Variants in CDYL2 observed in about 807,000 individuals in gnomAD.
CDYL2 encodes chromodomain Y-like protein 2.
CDYL2 carries 23 observed loss-of-function variants against 49.4 expected under a neutral mutation model. That is an observed-to-expected ratio of 0.47 (90% CI 0.34 to 0.66). CDYL2 has a LOEUF of 0.66. Ranked by LOEUF, CDYL2 falls within the 30% of genes least tolerant of loss-of-function variation. The pLI, the probability that CDYL2 is intolerant of heterozygous loss-of-function variation, is 0.01. For synonymous variants in CDYL2, 360 were observed against 268.8 expected, an observed-to-expected ratio of 1.34 and a Z score of -3.32; for missense variants, 678 against 656.4, an observed-to-expected ratio of 1.03 and a Z score of -0.36.
chr16:80,731,796 T>C (rs1905334570), intron 1 of CDYL2, among the ~76,000 whole-genome samples: 1 of 151,928 alleles, frequency 6.6e-6, no homozygotes, highest in African/African-American at 2.4e-5. Context: ...TCTCTAAAGG[T>C]TAACTTTCCA....
chr16:80,686,195 T>C (rs1222829533), intron 1 of CDYL2, among the ~76,000 whole-genome samples: 3 of 152,230 alleles, frequency 2.0e-5, no homozygotes, highest in Admixed American at 2.0e-4. Flanking sequence ...AAAACCTCCC[T>C]TGTCTTTATG....
Position 80,731,794 on chromosome 16 carries a change from G to C in CDYL2, c.25-46665C>G, listed in dbSNP as rs73595136. On this transcript the variant is annotated intron_variant, in intron 1 of 6. Coordinates refer to ENST00000570137, the MANE Select transcript of CDYL2 (RefSeq NM_152342.4). Reference sequence around the variant, plus strand: ...TTTTCAGAAATGCGAAATCTCTAAAGGTTAACTTTCCATCTAACTCTCTGA... The same window carrying C: ...TTTTCAGAAATGCGAAATCTCTAAACGTTAACTTTCCATCTAACTCTCTGA... Among the ~76,000 whole-genome samples the C allele has an allele frequency of 6.0e-3, 910 of 152,104 alleles. 8 individuals are homozygous for C. Among genetic ancestry groups the C allele is most frequent in the African/African-American group, 0.02 (824 of 41,480 alleles).
At chr16:80,712,068 T>C (rs1904621749) in intron 1 of CDYL2, among the ~76,000 whole-genome samples, 1 of 150,276 alleles carries the variant, frequency 6.7e-6, no homozygotes, top group Non-Finnish European at 1.5e-5. Flanking sequence ...TGTGTATAGA[T>C]GTGTGTATAT....
At chr16:80,784,135 C>A (rs1907358393) in intron 1 of CDYL2, among the ~76,000 whole-genome samples, 2 of 152,128 alleles carry the variant, frequency 1.3e-5, no homozygotes, top group African/African-American at 4.8e-5. Context: ...CATTAATACA[C>A]CTATCCTGCT....
chr16:80,659,148 A>G (rs1333927816), intron 2 of CDYL2, among the ~76,000 whole-genome samples: 1 of 152,194 alleles, frequency 6.6e-6, no homozygotes, highest in African/African-American at 2.4e-5. Flanking sequence ...ATAAGAAGGA[A>G]GAGCATCATA....
At chr16:80,659,538 T>C (rs533173119) in intron 2 of CDYL2, among the ~76,000 whole-genome samples, 1 of 151,998 alleles carries the variant, frequency 6.6e-6, no homozygotes, top group Non-Finnish European at 1.5e-5. Flanking sequence ...GGAGGCATAA[T>C]GTATAGTCTA....
Position 80,769,792 on chromosome 16 carries a change from G to T in CDYL2, c.24+34358C>A, listed in dbSNP as rs146460557. Reference sequence around the variant, plus strand: ...AGGTATTTGCATAGGTGAAATTAAAGAGATTAAACTGAAAAAGAATCAGAT... The same window carrying T: ...AGGTATTTGCATAGGTGAAATTAAATAGATTAAACTGAAAAAGAATCAGAT... On this transcript the variant is annotated intron_variant, in intron 1 of 6. Coordinates refer to ENST00000570137, the MANE Select transcript of CDYL2 (RefSeq NM_152342.4). Among the ~76,000 whole-genome samples the T allele has an allele frequency of 1.4e-3, 211 of 152,220 alleles. 1 individual carries two copies. The highest frequency in any genetic ancestry group is 5.0e-3 in the African/African-American group (206 of 41,526).
chr16:80,608,333 G>C (rs74661853), intron 5 of CDYL2, 98 bp from the exon 6 acceptor site: 1 of 1,329,512 alleles, frequency 7.5e-7, no homozygotes, highest in East Asian at 2.7e-5. Context: ...CCCAGTTCTG[G>C]AAGGCATCTT....
chr16:80,658,360 A>T (rs903961086), intron 2 of CDYL2, among the ~76,000 whole-genome samples: 3 of 152,350 alleles, frequency 2.0e-5, no homozygotes, highest in South Asian at 2.1e-4. Context: ...AAGGAATAAC[A>T]TAACCACATC....
chr16:80,720,747 A>C (rs1258338410), intron 1 of CDYL2, among the ~76,000 whole-genome samples: 2 of 152,118 alleles, frequency 1.3e-5, no homozygotes, highest in Non-Finnish European at 2.9e-5. Context: ...TATTACTTTC[A>C]TTCAGCAGCA....
At chr16:80,772,478 A>G (rs1906939198) in intron 1 of CDYL2, among the ~76,000 whole-genome samples, 2 of 152,186 alleles carry the variant, frequency 1.3e-5, no homozygotes, top group Non-Finnish European at 2.9e-5. Context: ...TGGGAGACGG[A>G]GTCTCCCTCT....
rs547858781 is a variant in CDYL2, at chr16:80,659,865, G to A, written c.616+24673C>T. The stretch of plus-strand genomic sequence containing the variant: ...CTCAAAAAGAAAAAGTTCTCAGTTT[G>A]AAAGAGCACTCTAAGTACCAAGCAG... On this transcript the variant is annotated intron_variant, in intron 2 of 6. Transcript: ENST00000570137. Among the ~76,000 whole-genome samples the A allele has an allele frequency of 2.3e-4, 35 of 152,074 alleles. 1 individual carries two copies. In the South Asian group the frequency reaches 7.3e-3, roughly 32 times the overall value.
intron 2 of CDYL2, among the ~76,000 whole-genome samples, chr16:80,639,436 T>C (rs1022420051): frequency 2.6e-5 from 4 of 152,114 alleles, no homozygotes; most frequent in Non-Finnish European, 5.9e-5. Context: ...GCACCAAAAA[T>C]TGGAAGCAAC....
chr16:80,649,167 G>C (rs1287556895), intron 2 of CDYL2, among the ~76,000 whole-genome samples: 1 of 151,988 alleles, frequency 6.6e-6, no homozygotes, highest in African/African-American at 2.4e-5. Context: ...AAGAAATAAA[G>C]GGCTTCCAAA....
chr16:80,687,418 A>G (rs1910241167), intron 1 of CDYL2, among the ~76,000 whole-genome samples: 2 of 152,018 alleles, frequency 1.3e-5, no homozygotes, highest in African/African-American at 4.8e-5. Flanking sequence ...GGATGAATGG[A>G]TGAATGGATA....
At chr16:80,737,430 G>C (rs1333431745) in intron 1 of CDYL2, among the ~76,000 whole-genome samples, 2 of 152,196 alleles carry the variant, frequency 1.3e-5, no homozygotes, top group East Asian at 3.9e-4. Flanking sequence ...CAGCCAGCAA[G>C]TACCAAAGCT....
intron 1 of CDYL2, among the ~76,000 whole-genome samples, chr16:80,794,065 T>G (rs1358570296): frequency 6.6e-6 from 1 of 152,226 alleles, no homozygotes; most frequent in African/African-American, 2.4e-5. Flanking sequence ...AAGTTTGAAA[T>G]CAGAGAAGGA....
At chr16:80,695,728 C>G (rs1215443256) in intron 1 of CDYL2, among the ~76,000 whole-genome samples, 2 of 152,042 alleles carry the variant, frequency 1.3e-5, no homozygotes, top group Non-Finnish European at 2.9e-5. Context: ...TGTATGTACC[C>G]AACACAGGAG....
At position 80,698,035 on chromosome 16, in the gene CDYL2, G is replaced by T. The variant is rs566406948; in HGVS notation, c.25-12906C>A. On this transcript the variant is annotated intron_variant, in intron 1 of 6. Coordinates refer to ENST00000570137, the MANE Select transcript of CDYL2 (RefSeq NM_152342.4). Reference sequence around the variant, plus strand: ...ACCAATGACATTCTGCACAGAAATAGAAAAAAAAATCCTAAAATTCATATG... The same window carrying T: ...ACCAATGACATTCTGCACAGAAATATAAAAAAAAATCCTAAAATTCATATG... 4.0e-5 allele frequency among the ~76,000 whole-genome samples: 6 copies of T among 151,386 alleles called. No individual in the cohort carries two copies. The South Asian group carries it at 6.3e-4, about 16-fold the overall frequency.
Sources: gnomAD v4.1 joint callset for allele counts (sites outside exome capture counted in the v4.1 genomes callset) on GRCh38, gnomAD v4.1.1 for gene constraint, MANE v1.5 for transcripts, NCBI Gene and HGNC (gene_info 2026-07-23, HGNC 2026-07-21) for gene names.